Variants in TRIM44 observed in about 807,000 individuals in gnomAD.
TRIM44 encodes tripartite motif containing 44.
In TRIM44, 13 loss-of-function variants were observed where a neutral mutation model predicts 37.4. That is an observed-to-expected ratio of 0.35 (90% CI 0.23 to 0.55). The LOEUF is 0.55. TRIM44 is among the 20% of genes least tolerant of loss of function. The pLI is 0.89. For missense variants in TRIM44, 426 were observed against 437.2 expected (o/e 0.97, Z 0.23); for synonymous variants, 175 against 157.2 (o/e 1.11, Z -0.85).
chr11:35,765,625 A>G (rs1296333872), intron 4 of TRIM44, among the ~76,000 whole-genome samples: 1 of 152,178 alleles, frequency 6.6e-6, no homozygotes, highest in East Asian at 1.9e-4. Context: ...TTTATTTTGC[A>G]AGGAGAGGGT....
chr11:35,743,121 A>G (rs1376008987), intron 4 of TRIM44, among the ~76,000 whole-genome samples: 4 of 152,162 alleles, frequency 2.6e-5, no homozygotes, highest in African/African-American at 9.7e-5. Flanking sequence ...CAGATTGGAA[A>G]AACAGGAAAG....
At chr11:35,666,402 TAAA>T (rs1851333028) in intron 1 of TRIM44, among the ~76,000 whole-genome samples, 1 of 152,224 alleles carries the variant, frequency 6.6e-6, no homozygotes, top group African/African-American at 2.4e-5. Context: ...ATCATAGTAT[TAAA>T]AAGCCTGCAG....
At chr11:35,755,622 G>A (rs1004658633) in intron 4 of TRIM44, among the ~76,000 whole-genome samples, 3 of 152,110 alleles carry the variant, frequency 2.0e-5, no homozygotes, top group Non-Finnish European at 4.4e-5. Flanking sequence ...TTCTTCTAGG[G>A]TTTTTATGGT....
At position 35,697,110 on chromosome 11, in the gene TRIM44, A is replaced by G. The variant is rs369672889; in HGVS notation, c.747+11774A>G. On this transcript the variant is annotated intron_variant, in intron 2 of 4. Transcript: ENST00000299413. ...TTAAATTTTAGGGTACATGTGCACA[A>G]CGTGCAGGTTTGTTACATATGTATA... 1.7e-4 allele frequency among the ~76,000 whole-genome samples: 26 copies of G among 152,152 alleles called. No homozygotes were observed. The East Asian group carries it at 2.5e-3, about 15-fold the overall frequency.
intron 4 of TRIM44, among the ~76,000 whole-genome samples, chr11:35,788,577 T>C (rs557069693): frequency 2.0e-5 from 3 of 152,246 alleles, no homozygotes; most frequent in Non-Finnish European, 4.4e-5. Context: ...CTAACAAGAA[T>C]GCCCCTTGCA....
intron 4 of TRIM44, among the ~76,000 whole-genome samples, chr11:35,769,506 A>G (rs563647715): frequency 7.9e-5 from 12 of 152,174 alleles, no homozygotes; most frequent in South Asian, 2.1e-4. Context: ...CATGTTCAGG[A>G]CTTATTAGAA....
In TRIM44 at chr11:35,814,529, T is replaced by A. The variant is rs976063309; in HGVS notation, c.*8144T>A. 1 of 152,192 alleles carries A rather than the reference T, an allele frequency of 6.6e-6. No homozygotes were observed. Among genetic ancestry groups the A allele is most frequent in the African/African-American group, 2.4e-5 (1 of 41,442 alleles). 9.4% of individuals were successfully genotyped at this position (152,192 alleles called of 1,614,324 possible). ...TAACCTGGCCCTGATCTGATGACGC[T>A]AAGATTTAAAAACCCAGATGCATGT... On this transcript the variant is annotated 3_prime_UTR_variant, in exon 5 of 5. Transcript: ENST00000299413.
intron 4 of TRIM44, among the ~76,000 whole-genome samples, chr11:35,780,066 T>G (rs1853040938): frequency 6.6e-6 from 1 of 152,144 alleles, no homozygotes; most frequent in Non-Finnish European, 1.5e-5. Context: ...TTCTTTTTGC[T>G]TAGGATTGCT....
chr11:35,681,201 G>A (rs1367383863), intron 1 of TRIM44, among the ~76,000 whole-genome samples: 5 of 152,060 alleles, frequency 3.3e-5, no homozygotes, highest in Non-Finnish European at 5.9e-5. Context: ...GAGTATAAGC[G>A]CTCTGAGCTT....
chr11:35,671,061 A>G (rs1038951663), intron 1 of TRIM44, among the ~76,000 whole-genome samples: 18 of 152,222 alleles, frequency 1.2e-4, no homozygotes, highest in Non-Finnish European at 1.8e-4. Context: ...TCGTTGTTAT[A>G]CTGCATTCAT....
intron 4 of TRIM44, among the ~76,000 whole-genome samples, chr11:35,768,002 C>T (rs1852819478): frequency 6.6e-6 from 1 of 152,188 alleles, no homozygotes; most frequent in Non-Finnish European, 1.5e-5. Context: ...AGGCTGCTCA[C>T]AGCCCTCTGT....
In TRIM44 at chr11:35,663,519, G is replaced by T. The variant is rs1414448837; in HGVS notation, c.408G>T (p.Glu136Asp). 1 of 1,599,462 alleles carries T rather than the reference G, an allele frequency of 6.3e-7. No homozygotes were observed. Among genetic ancestry groups the T allele is most frequent in the Non-Finnish European group, 8.5e-7 (1 of 1,172,436 alleles). The part of the protein sequence containing the change: ...EEDSEEEMED[E>D]QESEAEEDNQ... The stretch of plus-strand genomic sequence containing the variant: ...ACAGCGAGGAAGAAATGGAGGATGA[G>T]CAAGAAAGCGAGGCCGAAGAAGACA... Residue 136 changes from glutamate (E) to aspartate (D), a missense_variant, in exon 1 of 5, where the codon GAG becomes GAT. Glu to Asp is a conservative substitution (Grantham distance 45). Around this residue, in one of 2 missense-constraint regions of TRIM44, gnomAD observed 331 missense variants for 303.0 expected, o/e 1.09. Coordinates refer to ENST00000299413, the MANE Select transcript of TRIM44 (RefSeq NM_017583.6).
At chr11:35,760,840 T>G (rs921781998) in intron 4 of TRIM44, among the ~76,000 whole-genome samples, 2 of 152,188 alleles carry the variant, frequency 1.3e-5, no homozygotes, top group African/African-American at 4.8e-5. Flanking sequence ...AAATACAGTA[T>G]TTTATCTATA....
At chr11:35,740,613 G>A (rs1460480257) in intron 4 of TRIM44, among the ~76,000 whole-genome samples, 3 of 152,188 alleles carry the variant, frequency 2.0e-5, no homozygotes, top group African/African-American at 4.8e-5. Flanking sequence ...AACAGGAAGC[G>A]TGTTCTGAAG....
rs769386926 is a variant in TRIM44 at position 35,667,895 on chromosome 11, A to G, written c.669+4115A>G. ...ATTTATGTAGTTTTTTTTCATTTAT[A>G]TTTATGGGAGAAATTGGCCTATCAT... On this transcript the variant is annotated intron_variant, in intron 1 of 4. Transcript: ENST00000299413. 8.1e-4 allele frequency among the ~76,000 whole-genome samples: 123 copies of G among 152,174 alleles called. 1 individual carries two copies. Among genetic ancestry groups the G allele is most frequent in the Non-Finnish European group, 1.4e-3 (98 of 67,984 alleles).
chr11:35,694,814 G>T (rs1466344311), intron 2 of TRIM44, among the ~76,000 whole-genome samples: 1 of 152,058 alleles, frequency 6.6e-6, no homozygotes, highest in Non-Finnish European at 1.5e-5. Flanking sequence ...TGGATGGCAA[G>T]GACAGTCTTT....
chr11:35,798,960 G>A (rs768725830), intron 4 of TRIM44, among the ~76,000 whole-genome samples: 3 of 152,096 alleles, frequency 2.0e-5, no homozygotes, highest in Non-Finnish European at 4.4e-5. Context: ...ACCAATACTT[G>A]TGTGTTACAG....
intron 2 of TRIM44, among the ~76,000 whole-genome samples, chr11:35,692,511 T>A (rs1156569243): frequency 6.6e-6 from 1 of 152,190 alleles, no homozygotes; most frequent in African/African-American, 2.4e-5. Context: ...AAATCTGCAA[T>A]CTGAAATGCT....
At position 35,690,630 on chromosome 11, in the gene TRIM44, C is replaced by T. The variant is rs139447399; in HGVS notation, c.747+5294C>T. On this transcript the variant is annotated intron_variant, in intron 2 of 4. Coordinates refer to ENST00000299413, the MANE Select transcript of TRIM44 (RefSeq NM_017583.6). ...AAGTGTTCCTGTGGTTGATGAGTTACTAGAATTATTGACCCATTTCTGGAC... is the reference window on the plus strand; with the variant it reads ...AAGTGTTCCTGTGGTTGATGAGTTATTAGAATTATTGACCCATTTCTGGAC... Among the ~76,000 whole-genome samples the T allele has an allele frequency of 1.9e-3, 282 of 152,268 alleles. 2 individuals are homozygous for T. Among genetic ancestry groups the T allele is most frequent in the African/African-American group, 6.5e-3 (271 of 41,546 alleles).
Sources: gnomAD v4.1 joint callset for allele counts (sites outside exome capture counted in the v4.1 genomes callset) on GRCh38, gnomAD v4.1.1 for gene constraint, gnomAD v4.1.1 regional missense constraint, MANE v1.5 for transcripts, NCBI Gene and HGNC (gene_info 2026-07-23, HGNC 2026-07-21) for gene names.